Variants in TBC1D5 observed in about 807,000 individuals in gnomAD.
TBC1D5 encodes TBC1 domain family member 5, also known as TBC1 domain family, member 5.
In TBC1D5, 75 loss-of-function variants were observed where a neutral mutation model predicts 100.3. The observed-to-expected ratio is 0.75, with a 90% CI of 0.62 to 0.91. The LOEUF (loss-of-function observed/expected upper bound fraction) is 0.91. Ranked by LOEUF, TBC1D5 falls within the 40% of genes least tolerant of loss-of-function variation. The probability of loss-of-function intolerance (pLI) is 0.00; values close to 1 mark genes in which losing one functional copy is unlikely to be tolerated. For missense variants in TBC1D5, 910 were observed against 942.4 expected, an observed-to-expected ratio of 0.97 and a Z score of 0.45; for synonymous variants, 323 against 325.6, an observed-to-expected ratio of 0.99 and a Z score of 0.09.
At chr3:17,590,008 G>C (rs1290745899) in intron 2 of TBC1D5, among the ~76,000 whole-genome samples, 1 of 152,126 alleles carries the variant, frequency 6.6e-6, no homozygotes, top group Non-Finnish European at 1.5e-5. Context: ...TCCAGTATGG[G>C]GCACAGCAAG....
At chr3:17,303,554 G>A (rs1432581483) in intron 14 of TBC1D5, among the ~76,000 whole-genome samples, 2 of 152,034 alleles carry the variant, frequency 1.3e-5, no homozygotes, top group Non-Finnish European at 2.9e-5. Flanking sequence ...CAATCCCTTG[G>A]TCTTCAAGAG....
chr3:17,362,484 T>G (rs1021544788), intron 13 of TBC1D5, among the ~76,000 whole-genome samples: 1 of 139,368 alleles, frequency 7.2e-6, no homozygotes. Context: ...GTAGACTGAC[T>G]TTTTTTTTTT....
At chr3:17,346,707 T>A (rs1158768102) in intron 13 of TBC1D5, among the ~76,000 whole-genome samples, 2 of 152,184 alleles carry the variant, frequency 1.3e-5, no homozygotes, top group Non-Finnish European at 2.9e-5. Flanking sequence ...TAAAGCAGTT[T>A]CCTTTCACGT....
chr3:17,286,224 G>T (rs940405005), intron 15 of TBC1D5, among the ~76,000 whole-genome samples: 3 of 152,128 alleles, frequency 2.0e-5, no homozygotes, highest in Admixed American at 6.5e-5. Context: ...AATTTTATTT[G>T]CTAAAGGGTA....
At chr3:17,260,110 A>G (rs182269516) in intron 15 of TBC1D5, among the ~76,000 whole-genome samples, 8 of 152,320 alleles carry the variant, frequency 5.3e-5, no homozygotes, top group African/African-American at 1.9e-4. Context: ...GGAAAATAAA[A>G]TAGAGGTTAA....
At chr3:17,431,769 A>G (rs1023150688) in intron 3 of TBC1D5, among the ~76,000 whole-genome samples, 23 of 152,214 alleles carry the variant, frequency 1.5e-4, no homozygotes, top group African/African-American at 5.3e-4. Flanking sequence ...TGTGTATCTA[A>G]CTTACTAAGC....
intron 3 of TBC1D5, among the ~76,000 whole-genome samples, chr3:17,491,259 A>G (rs942565109): frequency 2.0e-5 from 3 of 152,140 alleles, no homozygotes; most frequent in Non-Finnish European, 4.4e-5. Context: ...TCTGCATACA[A>G]AGATAGTCTG....
At chr3:17,181,702 A>C (rs1311281148) in intron 19 of TBC1D5, among the ~76,000 whole-genome samples, 1 of 152,170 alleles carries the variant, frequency 6.6e-6, no homozygotes, top group Non-Finnish European at 1.5e-5. Flanking sequence ...AGCCATCCAC[A>C]GATTTTCAGG....
At chr3:17,546,872 A>G (rs1464325469) in intron 2 of TBC1D5, 1 of 152,210 alleles carries the variant, frequency 6.6e-6, no homozygotes, top group African/African-American at 2.4e-5. Context: ...TAAATTTCAC[A>G]TCTTCAAACA....
intron 1 of TBC1D5, among the ~76,000 whole-genome samples, chr3:17,712,906 A>T (rs1381944744): frequency 6.6e-6 from 1 of 151,662 alleles, no homozygotes; most frequent in African/African-American, 2.4e-5. Context: ...TATACATACC[A>T]CTCTCCATCC....
At chr3:17,291,044 A>ATCTGTCTG (rs1274957036) in intron 15 of TBC1D5, among the ~76,000 whole-genome samples, 1 of 152,236 alleles carries the variant, frequency 6.6e-6, no homozygotes, top group Non-Finnish European at 1.5e-5. Context: ...AGCTTTGGCA[A>ATCTGTCTG]TGGAACCCAC....
intron 17 of TBC1D5, among the ~76,000 whole-genome samples, chr3:17,218,256 A>T (rs1457985137): frequency 6.6e-6 from 1 of 152,002 alleles, no homozygotes; most frequent in Non-Finnish European, 1.5e-5. Flanking sequence ...TGAAATCAAG[A>T]CATGTGAGTT....
At chr3:17,580,046 C>T (rs774655231) in intron 2 of TBC1D5, among the ~76,000 whole-genome samples, 6 of 152,078 alleles carry the variant, frequency 3.9e-5, no homozygotes, top group Non-Finnish European at 7.4e-5. Flanking sequence ...ATTACAATTT[C>T]ACCCTTGTTC....
At chr3:17,513,286 C>T (rs1040643683) in intron 2 of TBC1D5, among the ~76,000 whole-genome samples, 1 of 151,196 alleles carries the variant, frequency 6.6e-6, no homozygotes, top group Non-Finnish European at 1.5e-5. Flanking sequence ...GAGCCAAGAT[C>T]GTGCCACTGC....
chr3:17,160,680 T>C, exon 22 of TBC1D5: 1 of 388,900 alleles, frequency 2.6e-6, no homozygotes, highest in Non-Finnish European at 4.7e-6. Flanking sequence ...TAACTGTGAG[T>C]GTGATACTGG....
chr3:17,674,271 A>AAATT (rs2068344709), intron 1 of TBC1D5, among the ~76,000 whole-genome samples: 1 of 152,220 alleles, frequency 6.6e-6, no homozygotes, highest in African/African-American at 2.4e-5. Context: ...TTGACAGGTC[A>AAATT]TCTATTGCGA....
At chr3:17,727,782 A>G (rs1198289763) in intron 1 of TBC1D5, among the ~76,000 whole-genome samples, 1 of 152,220 alleles carries the variant, frequency 6.6e-6, no homozygotes, top group South Asian at 2.1e-4. Context: ...CAGAGAAAGG[A>G]TATTATTTTG....
At chr3:17,269,412 T>C (rs530900331) in intron 15 of TBC1D5, among the ~76,000 whole-genome samples, 2 of 152,306 alleles carry the variant, frequency 1.3e-5, no homozygotes, top group South Asian at 4.1e-4. Context: ...AGTAGAGCTG[T>C]CCACAGATTA....
chr3:17,318,245 G>A (rs2084946091), intron 13 of TBC1D5, among the ~76,000 whole-genome samples: 1 of 109,738 alleles, frequency 9.1e-6, no homozygotes, highest in African/African-American at 3.5e-5. Context: ...GGGGAGGGGG[G>A]AGGGATAGCT....
Sources: allele counts gnomAD v4.1 joint callset (sites outside exome capture counted in the v4.1 genomes callset), GRCh38; gene constraint gnomAD v4.1.1; transcripts MANE v1.5; gene names NCBI Gene and HGNC (gene_info 2026-07-23, HGNC 2026-07-21).